Variants in PIK3R6 observed in about 807,000 individuals in gnomAD.
The protein encoded by PIK3R6 is phosphoinositide-3-kinase regulatory subunit 6.
A neutral mutation model predicts 84.9 loss-of-function variants in PIK3R6; 91 were observed. The ratio of observed to expected loss-of-function variants is 1.07; its 90% confidence interval spans 0.90 to 1.28. The LOEUF (loss-of-function observed/expected upper bound fraction) is 1.28, where lower values mean the gene tolerates loss of function less well. Among genes scored for constraint, PIK3R6 ranks in the 50% most tolerant of loss-of-function variants. The probability of loss-of-function intolerance (pLI) is 0.00; values close to 1 mark genes in which losing one functional copy is unlikely to be tolerated. For missense variants in PIK3R6, 996 were observed against 985.1 expected, an observed-to-expected ratio of 1.01 and a Z score of -0.15; for synonymous variants, 416 against 411.4, an observed-to-expected ratio of 1.01 and a Z score of -0.13.
intron 18 of PIK3R6, among the ~76,000 whole-genome samples, chr17:8,815,488 G>A (rs1048766532): frequency 1.3e-5 from 2 of 148,660 alleles, no homozygotes; most frequent in Non-Finnish European, 2.9e-5. Context: ...CCTGGCAACA[G>A]AGTGAGACTC....
chr17:8,829,499 C>A (rs560020670), intron 10 of PIK3R6, among the ~76,000 whole-genome samples: 1,887 of 114,126 alleles, frequency 0.017, 29 homozygotes, highest in South Asian at 0.094. Flanking sequence ...TACACACACA[C>A]TGACACACAC....
chr17:8,854,681 C>A (rs1459841761), intron 1 of PIK3R6, among the ~76,000 whole-genome samples: 1 of 152,078 alleles, frequency 6.6e-6, no homozygotes. Context: ...AAATTCCAGA[C>A]CTTACACAAA....
chr17:8,849,837 G>A lies in PIK3R6; in HGVS notation c.-43C>T, dbSNP rs1243510493. 2 of 1,607,386 alleles carry A rather than the reference G, an allele frequency of 1.2e-6. No individual in the cohort carries two copies. The highest frequency in any genetic ancestry group is 1.7e-5 in the Admixed American group (1 of 59,116). On this transcript the variant is annotated 5_prime_UTR_variant, in exon 2 of 20. Coordinates refer to ENST00000619866, the MANE Select transcript of PIK3R6 (RefSeq NM_001010855.4). ...GGAGGAGGAGGATGTGGTTGTCTCGGGCAGCAGAATAGAGAACAAGGTGGT... is the reference window on the plus strand; with the variant it reads ...GGAGGAGGAGGATGTGGTTGTCTCGAGCAGCAGAATAGAGAACAAGGTGGT...
intron 5 of PIK3R6, among the ~76,000 whole-genome samples, chr17:8,837,546 A>T (rs563479161): frequency 6.6e-6 from 1 of 152,032 alleles, no homozygotes; most frequent in East Asian, 1.9e-4. Flanking sequence ...GGGATCAGTG[A>T]TGTCTCCTGT....
chr17:8,864,447 C>G (rs1348077809), intron 1 of PIK3R6, among the ~76,000 whole-genome samples: 1 of 150,420 alleles, frequency 6.6e-6, no homozygotes, highest in African/African-American at 2.5e-5. Context: ...GACCATGAAG[C>G]TGTGGTGGGC....
chr17:8,829,659 G>C (rs1378700591), intron 10 of PIK3R6, 47 bp downstream of exon 10: 4 of 1,514,464 alleles, frequency 2.6e-6, no homozygotes, highest in Non-Finnish European at 3.6e-6. Context: ...TACACACACA[G>C]ACACAGACAT....
intron 5 of PIK3R6, among the ~76,000 whole-genome samples, chr17:8,837,376 C>T (rs910716742): frequency 6.6e-6 from 1 of 152,082 alleles, no homozygotes; most frequent in Non-Finnish European, 1.5e-5. Flanking sequence ...CCGTCTCTGC[C>T]GGAGCTAAGC....
intron 1 of PIK3R6, among the ~76,000 whole-genome samples, chr17:8,853,935 C>G (rs947251668): frequency 6.7e-6 from 1 of 149,682 alleles, no homozygotes; most frequent in African/African-American, 2.5e-5. Context: ...TGTACTCTAG[C>G]CTGGTGACAG....
chr17:8,834,741 G>T (rs190168359), intron 8 of PIK3R6, among the ~76,000 whole-genome samples: 1 of 152,222 alleles, frequency 6.6e-6, no homozygotes, highest in Admixed American at 6.5e-5. Context: ...GTGAGATGAT[G>T]TAGTAGCTAC....
At chr17:8,830,907 G>A (rs530929699) in intron 9 of PIK3R6, among the ~76,000 whole-genome samples, 6 of 152,154 alleles carry the variant, frequency 3.9e-5, no homozygotes, top group African/African-American at 1.2e-4. Flanking sequence ...ACTTTGGGAC[G>A]CCGAGGAGGG....
At position 8,867,549 on chromosome 17, in the gene PIK3R6, T is replaced by C; in HGVS notation, c.-112A>G. On this transcript the variant is annotated 5_prime_UTR_variant, in exon 1 of 20. Coordinates refer to ENST00000619866, the MANE Select transcript of PIK3R6 (RefSeq NM_001010855.4). ...CTTACCTTGGTTCGGTGGCAGCTTC[T>C]GGGCTCCCCAAGTCCTTCAGCCAAC... 1 of 492,850 alleles carries C rather than the reference T, an allele frequency of 2.0e-6. No homozygotes were observed. Among genetic ancestry groups the C allele is most frequent in the South Asian group, 1.5e-5 (1 of 67,896 alleles). The allele number at this position is 492,850 out of a possible 1,614,324, so 30.5% of individuals were successfully genotyped here.
In PIK3R6 at chr17:8,863,063, C is replaced by T. The variant is rs1465671551; in HGVS notation, c.-92+4466G>A. ...TGCACTCTAGTGGGTGTGTAGGGGA[C>T]AGAAAATCAACCAAATAATTAAATC... On this transcript the variant is annotated intron_variant, in intron 1 of 19. Coordinates refer to ENST00000619866, the MANE Select transcript of PIK3R6 (RefSeq NM_001010855.4). Among the ~76,000 whole-genome samples, 3 of 151,804 alleles carry T rather than the reference C, an allele frequency of 2.0e-5. No individual in the cohort carries two copies. In the East Asian group the frequency reaches 5.8e-4, roughly 29 times the overall value.
chr17:8,810,863 A>C, intron 18 of PIK3R6, among the ~76,000 whole-genome samples: 1 of 148,594 alleles, frequency 6.7e-6, no homozygotes, highest in African/African-American at 2.5e-5. Flanking sequence ...GAGTGTCTGC[A>C]GCTTTTCTAG....
chr17:8,859,128 C>T (rs973812497), intron 1 of PIK3R6, among the ~76,000 whole-genome samples: 1 of 152,216 alleles, frequency 6.6e-6, no homozygotes, highest in Non-Finnish European at 1.5e-5. Flanking sequence ...CATGGACTTG[C>T]AACTTCTATT....
chr17:8,867,598 C>G lies in PIK3R6; in HGVS notation c.-161G>C. Reference sequence around the variant, plus strand: ...ACTCCCCACGGTCCTGAGCGAGGTCCCCAGTCCCAGAGAAGCAGATGTCTT... The same window carrying G: ...ACTCCCCACGGTCCTGAGCGAGGTCGCCAGTCCCAGAGAAGCAGATGTCTT... On this transcript the variant is annotated 5_prime_UTR_variant, in exon 1 of 20. Transcript: ENST00000619866. The G allele has an allele frequency of 1.9e-6, 1 of 513,230 alleles. No individual in the cohort carries two copies. The highest frequency in any genetic ancestry group is 3.9e-6 in the Non-Finnish European group (1 of 256,226). 31.8% of individuals were successfully genotyped at this position (513,230 alleles called of 1,614,324 possible).
intron 14 of PIK3R6, 106 bp downstream of exon 14, chr17:8,823,281 T>C: frequency 1.1e-6 from 1 of 884,904 alleles, no homozygotes. Context: ...CAAGAGCGTC[T>C]GGGTGTGTTC....
chr17:8,804,969 T>C (rs939277274), intron 18 of PIK3R6, among the ~76,000 whole-genome samples: 43 of 152,244 alleles, frequency 2.8e-4, no homozygotes, highest in African/African-American at 1.0e-3. Flanking sequence ...AAAAAGCTCC[T>C]GAGTGTAGGC....
intron 18 of PIK3R6, among the ~76,000 whole-genome samples, chr17:8,813,251 A>C (rs1041378708): frequency 3.3e-5 from 5 of 150,852 alleles, no homozygotes; most frequent in African/African-American, 1.2e-4. Context: ...TTGAATTAGT[A>C]ATAAAAAAAA....
intron 13 of PIK3R6, 150 bp downstream of exon 13, chr17:8,827,022 A>T: frequency 2.3e-6 from 2 of 867,450 alleles, no homozygotes; most frequent in Non-Finnish European, 3.4e-6. Flanking sequence ...CCTGACTCTT[A>T]AGGTCAAAGG....
Sources: gnomAD v4.1 joint callset for allele counts (sites outside exome capture counted in the v4.1 genomes callset) on GRCh38, gnomAD v4.1.1 for gene constraint, MANE v1.5 for transcripts, NCBI Gene and HGNC (gene_info 2026-07-23, HGNC 2026-07-21) for gene names.